AGAP1: variants seen among roughly 807,000 people sequenced by gnomAD.
The protein encoded by AGAP1 is ArfGAP with GTPase domain, ankyrin repeat and PH domain 1, also known as arf-GAP with GTPase, ANK repeat and PH domain-containing protein 1.
A neutral mutation model predicts 105.3 loss-of-function variants in AGAP1; 29 were observed. The observed-to-expected ratio is 0.28, with a 90% confidence interval of 0.21 to 0.38. AGAP1 has a LOEUF of 0.38. Among genes scored for constraint, AGAP1 ranks in the 10% least tolerant of loss-of-function variants. AGAP1 has a pLI of 1.00. For missense variants in AGAP1, 998 were observed against 1,165.1 expected (o/e 0.86, Z 2.09); for synonymous variants, 509 against 485.9 (o/e 1.05, Z -0.63).
intron 1 of AGAP1, among the ~76,000 whole-genome samples, chr2:235,500,630 A>T (rs561331222): frequency 6.6e-6 from 1 of 152,352 alleles, no homozygotes; most frequent in South Asian, 2.1e-4. Flanking sequence ...GCTTGTGGTC[A>T]CGCAGGCTAA....
Position 235,875,822 on chromosome 2 carries a change from T to C in AGAP1, c.1051-7523T>C, listed in dbSNP as rs2049699442. ...TATCCGGACTAATCAGACAAAAACA[T>C]CTTCCAAAATACATTATAATTGCAC... On this transcript the variant is annotated intron_variant, in intron 9 of 17. Transcript: ENST00000304032. The surrounding 1 kb of genome is among the most constrained non-coding windows in gnomAD (Gnocchi z 4.0). Among the ~76,000 whole-genome samples, 1 of 152,196 alleles carries C rather than the reference T, an allele frequency of 6.6e-6. No homozygotes were observed. The highest frequency in any genetic ancestry group is 1.5e-5 in the Non-Finnish European group (1 of 68,044).
At chr2:235,697,933 C>T (rs958041019) in intron 1 of AGAP1, among the ~76,000 whole-genome samples, 2 of 152,168 alleles carry the variant, frequency 1.3e-5, no homozygotes, top group African/African-American at 4.8e-5. Context: ...TACAGTGGCT[C>T]TTGCATACTA....
At chr2:235,499,792 G>A (rs1319031063) in intron 1 of AGAP1, among the ~76,000 whole-genome samples, 2 of 152,132 alleles carry the variant, frequency 1.3e-5, no homozygotes, top group African/African-American at 4.8e-5. Context: ...CAGCTGGGAG[G>A]TCTGGAAGCT....
intron 8 of AGAP1, among the ~76,000 whole-genome samples, chr2:235,800,294 T>C (rs973758908): frequency 6.7e-6 from 1 of 149,162 alleles, no homozygotes; most frequent in African/African-American, 2.5e-5. Flanking sequence ...AGAAATGGGG[T>C]CTTACTGTGT....
rs116091633 is a variant in AGAP1, at chr2:235,992,468, T to C, written c.1645+23845T>C. On this transcript the variant is annotated intron_variant, in intron 13 of 17. Coordinates refer to ENST00000304032, the MANE Select transcript of AGAP1 (RefSeq NM_001037131.3). The surrounding 1 kb of genome is among the most constrained non-coding windows in gnomAD (Gnocchi z 4.8). ...ATGTGGGGACAGAGACTGCCACCCATTCCTTTCTGAGGATTCAGTTCTTAT... is the reference window on the plus strand; with the variant it reads ...ATGTGGGGACAGAGACTGCCACCCACTCCTTTCTGAGGATTCAGTTCTTAT... 0.029 allele frequency among the ~76,000 whole-genome samples: 4,352 copies of C among 152,288 alleles called. 115 individuals carry two copies. The highest frequency in any genetic ancestry group is 0.11 in the South Asian group (521 of 4,824).
At chr2:235,786,571 A>G (rs1201465136) in intron 6 of AGAP1, among the ~76,000 whole-genome samples, 1 of 152,228 alleles carries the variant, frequency 6.6e-6, no homozygotes, top group African/African-American at 2.4e-5. Context: ...GAAATGGTAC[A>G]CTCAGCTCTC....
rs535395155 is a variant in AGAP1 at position 235,540,148 on chromosome 2, C to CTTTTTTTT, written c.163+45312_163+45319dup. Among the ~76,000 whole-genome samples the CTTTTTTTT allele has an allele frequency of 4.6e-3, 594 of 129,054 alleles. 9 individuals carry two copies. Among genetic ancestry groups the CTTTTTTTT allele is most frequent in the African/African-American group, 0.017 (571 of 33,642 alleles). 84.7% of individuals were successfully genotyped at this position (129,054 alleles called of 152,430 possible). A position where few individuals can be genotyped will look rare whatever the true frequency, so the allele number is the denominator to read the frequency against. On this transcript the variant is annotated intron_variant, in intron 1 of 17. Coordinates refer to ENST00000304032, the MANE Select transcript of AGAP1 (RefSeq NM_001037131.3). Reference sequence around the variant, plus strand: ...TTTTTTCTCTCCCTCCCTCTCTCCTCTTTTTTTTTTTTTTTTTTTTGAGAC... The same window carrying CTTTTTTTT: ...TTTTTTCTCTCCCTCCCTCTCTCCTCTTTTTTTTTTTTTTTTTTTTTTTTTTTTGAGAC...
intron 1 of AGAP1, among the ~76,000 whole-genome samples, chr2:235,637,252 A>C (rs1016285587): frequency 1.7e-4 from 26 of 151,948 alleles, no homozygotes; most frequent in African/African-American, 6.0e-4. Flanking sequence ...TTTGCCCAGC[A>C]CCTCCTAGGA....
chr2:235,854,007 G>T (rs1308124190), intron 9 of AGAP1, among the ~76,000 whole-genome samples: 1 of 151,908 alleles, frequency 6.6e-6, no homozygotes, highest in Non-Finnish European at 1.5e-5. Context: ...AAATATGTCC[G>T]TTCCAGGCTT....
chr2:235,628,416 G>C (rs1368033703), intron 1 of AGAP1, among the ~76,000 whole-genome samples: 1 of 152,168 alleles, frequency 6.6e-6, no homozygotes, highest in Non-Finnish European at 1.5e-5. Context: ...CAGGGACCCA[G>C]GCAGGGCCGG....
At chr2:235,634,533 G>GC (rs1946929394) in intron 1 of AGAP1, among the ~76,000 whole-genome samples, 2 of 152,192 alleles carry the variant, frequency 1.3e-5, no homozygotes, top group Admixed American at 1.3e-4. Flanking sequence ...AGGCTGTGAA[G>GC]CAAGCCCATC....
At chr2:235,869,916 G>T (rs957201914) in intron 9 of AGAP1, among the ~76,000 whole-genome samples, 5 of 152,228 alleles carry the variant, frequency 3.3e-5, no homozygotes, top group African/African-American at 4.8e-5. Flanking sequence ...GGCTGCGCAG[G>T]CTTCCCAGGG....
rs2059200929 is a variant in AGAP1, at chr2:236,096,710, C to G, written c.2115-23482C>G. On this transcript the variant is annotated intron_variant, in intron 16 of 17. Coordinates refer to ENST00000304032, the MANE Select transcript of AGAP1 (RefSeq NM_001037131.3). This position sits in a 1 kb window ranked among gnomAD's most constrained non-coding sequence, Gnocchi z 4.4. Reference sequence around the variant, plus strand: ...TCTTCTGCCTCGGCCTCCTGAGTAGCTGGGATTACAGGTGCCCACCACCAC... The same window carrying G: ...TCTTCTGCCTCGGCCTCCTGAGTAGGTGGGATTACAGGTGCCCACCACCAC... Among the ~76,000 whole-genome samples the G allele has an allele frequency of 6.6e-6, 1 of 151,844 alleles. No homozygotes were observed. Among genetic ancestry groups the G allele is most frequent in the Admixed American group, 6.6e-5 (1 of 15,242 alleles).
At position 235,842,460 on chromosome 2, in the gene AGAP1, C is replaced by T. The variant is rs987869148; in HGVS notation, c.1050+35129C>T. Among the ~76,000 whole-genome samples the T allele has an allele frequency of 2.6e-5, 4 of 152,178 alleles. No homozygotes were observed. The highest frequency in any genetic ancestry group is 4.8e-5 in the African/African-American group (2 of 41,428). On this transcript the variant is annotated intron_variant, in intron 9 of 17. Transcript: ENST00000304032. The surrounding 1 kb of genome is among the most constrained non-coding windows in gnomAD (Gnocchi z 5.3). ...GGTCACCGTTTGGCAATGGAAGGTA[C>T]TAGGTCTGCCACTGGGTCTCAGTGC...
chr2:235,731,603 A>G (rs1422027504), intron 3 of AGAP1, among the ~76,000 whole-genome samples: 2 of 152,310 alleles, frequency 1.3e-5, no homozygotes, highest in East Asian at 3.9e-4. Flanking sequence ...TGTTCATTGA[A>G]TTAGCGTTTC....
In AGAP1 at chr2:235,686,548, TATATATATACACACAC is replaced by T. The variant is rs199658688; in HGVS notation, c.164-22629_164-22614del. On this transcript the variant is annotated intron_variant, in intron 1 of 17. Transcript: ENST00000304032. The stretch of plus-strand genomic sequence containing the variant: ...CGAATTCTGGTTCCCAGGAAGGAGA[TATATATATACACACAC>T]ACACACACACACACACACACACACG... Among the ~76,000 whole-genome samples, 83 of 49,264 alleles carry T rather than the reference TATATATATACACACAC, an allele frequency of 1.7e-3. 2 individuals are homozygous for T. In the East Asian group the frequency reaches 0.042, roughly 25 times the overall value. 32.3% of individuals were successfully genotyped at this position (49,264 alleles called of 152,430 possible). A position where few individuals can be genotyped will look rare whatever the true frequency, so the allele number is the denominator to read the frequency against.
intron 3 of AGAP1, among the ~76,000 whole-genome samples, chr2:235,730,808 A>C (rs1036631648): frequency 3.9e-5 from 6 of 152,184 alleles, no homozygotes; most frequent in Non-Finnish European, 8.8e-5. Context: ...GGGTATCGGA[A>C]GATTTTCAAT....
At chr2:236,077,522 T>C (rs1181820174) in intron 16 of AGAP1, among the ~76,000 whole-genome samples, 3 of 152,096 alleles carry the variant, frequency 2.0e-5, no homozygotes, top group African/African-American at 4.8e-5. Context: ...TTTCATCATA[T>C]TGGTCAGGCT....
At chr2:235,784,376 A>G (rs1320186715) in intron 6 of AGAP1, among the ~76,000 whole-genome samples, 1 of 152,198 alleles carries the variant, frequency 6.6e-6, no homozygotes, top group Non-Finnish European at 1.5e-5. Flanking sequence ...TGACTTCCTC[A>G]CTATTCCTAA....
Sources: allele counts gnomAD v4.1 joint callset (sites outside exome capture counted in the v4.1 genomes callset), GRCh38; gene constraint gnomAD v4.1.1; non-coding constraint Gnocchi (gnomAD v3.1); transcripts MANE v1.5; gene names NCBI Gene and HGNC (gene_info 2026-07-23, HGNC 2026-07-21).